Variants in BET1L observed in about 807,000 individuals in gnomAD.
BET1L encodes the protein BET1-like protein.
In BET1L, 13 loss-of-function variants were observed where a neutral mutation model predicts 12.6. That is an observed-to-expected ratio of 1.03 (90% CI 0.67 to 1.64). The LOEUF (loss-of-function observed/expected upper bound fraction) is 1.64. Ranked by LOEUF, BET1L falls within the 40% of genes most tolerant of loss-of-function variation. The probability of loss-of-function intolerance (pLI) is 0.00; values close to 1 mark genes in which losing one functional copy is unlikely to be tolerated. For missense variants in BET1L, 154 were observed against 150.7 expected (o/e 1.02, Z -0.11); for synonymous variants, 60 against 56.9 (o/e 1.05, Z -0.25).
At chr11:206,965 G>A (rs1855178956) in intron 1 of BET1L, 1 of 399,030 alleles carries the variant, frequency 2.5e-6, no homozygotes, top group African/African-American at 2.1e-5. Flanking sequence ...TCTACTCCTA[G>A]GGCCTGGCCT....
Position 207,306 on chromosome 11 carries a change from G to C in BET1L, c.16C>G (p.Arg6Gly). The change falls in exon 1 of 4, where the codon CGG becomes GGG. Residue 6 changes from arginine (R) to glycine (G), a missense_variant. Coordinates refer to ENST00000382762, the MANE Select transcript of BET1L (RefSeq NM_001098787.2). ...GGCTCCGCTCTCCCGCGCTCACCCC[G>C]AGCCCAGTCCGCCATCGTGCCCTGC... MADWA[R>G]AQSPGAVEEI... 1.9e-6 allele frequency: 3 copies of C among 1,548,714 alleles called. No individual in the cohort carries two copies. Among genetic ancestry groups the C allele is most frequent in the Non-Finnish European group, 2.6e-6 (3 of 1,155,530 alleles).
intron 1 of BET1L, among the ~76,000 whole-genome samples, chr11:206,693 G>A (rs1855169240): frequency 6.6e-6 from 1 of 152,208 alleles, no homozygotes. Context: ...GGCCTGGCCT[G>A]TGACAGGCTG....
At chr11:206,158 C>G in intron 1 of BET1L, 115 bp from the exon 2 acceptor site, 1 of 835,828 alleles carries the variant, frequency 1.2e-6, no homozygotes, top group Non-Finnish European at 2.0e-6. Context: ...AACCAAGGTT[C>G]CAGCAGGTGA....
At chr11:206,532 G>A (rs887722839) in intron 1 of BET1L, among the ~76,000 whole-genome samples, 1 of 152,274 alleles carries the variant, frequency 6.6e-6, no homozygotes, top group Non-Finnish European at 1.5e-5. Flanking sequence ...AACCAGGACA[G>A]AACATTGGGA....
At chr11:206,704 G>C (rs1855169781) in intron 1 of BET1L, among the ~76,000 whole-genome samples, 1 of 152,144 alleles carries the variant, frequency 6.6e-6, no homozygotes, top group Non-Finnish European at 1.5e-5. Context: ...TGACAGGCTG[G>C]GCCAGGGGAT....
rs948585914 is a variant in BET1L at position 204,037 on chromosome 11, G to A, written c.*1265C>T. On this transcript the variant is annotated 3_prime_UTR_variant, in exon 4 of 4. Transcript: ENST00000382762. ...TGATCTGTGGTCAGCCTGGAGCTCA[G>A]AGGCAGTTCTGGATTGACAGGACAT... is the stretch of plus-strand genomic sequence containing the variant. The A allele has an allele frequency of 6.5e-6, 1 of 152,806 alleles. No individual in the cohort carries two copies. The highest frequency in any genetic ancestry group is 1.5e-5 in the Non-Finnish European group (1 of 68,198). The allele number at this position is 152,806 out of a possible 1,614,324, so 9.5% of individuals were successfully genotyped here.
rs1381933089 is a variant in BET1L at position 205,181 on chromosome 11, T to A, written c.*121A>T. 1 of 1,323,502 alleles carries A rather than the reference T, an allele frequency of 7.6e-7. No homozygotes were observed. Among genetic ancestry groups the A allele is most frequent in the Admixed American group, 2.7e-5 (1 of 36,682 alleles). 82.0% of individuals were successfully genotyped at this position (1,323,502 alleles called of 1,614,324 possible). ...GCCTCCTGCCACACAGGAAGAAGAT[T>A]CCTGACCCACAATTATCATTGCAAA... is the stretch of plus-strand genomic sequence containing the variant. On this transcript the variant is annotated 3_prime_UTR_variant, in exon 4 of 4. Transcript: ENST00000382762.
rs143008952 is a variant in BET1L, at chr11:205,650, A to G, written c.129T>C (p.Asp43=). Residue 43 remains aspartate, a synonymous_variant, in exon 3 of 4, where the codon GAT becomes GAC. Coordinates refer to ENST00000382762, the MANE Select transcript of BET1L (RefSeq NM_001098787.2). ...TRLKSLALDI[D]RDAEDQNRYL... ...ACCGGTTCTGATCCTCTGCATCCCT[A>G]TCGATGTCCAGGGCGAGCTGTTCAG... 455 of 1,611,274 alleles carry G rather than the reference A, an allele frequency of 2.8e-4. No homozygotes were observed. The Middle Eastern group carries it at 7.9e-3, about 28-fold the overall frequency.
At position 205,191 on chromosome 11, in the gene BET1L, C is replaced by A. The variant is rs978645688; in HGVS notation, c.*111G>T. 2 of 1,361,276 alleles carry A rather than the reference C, an allele frequency of 1.5e-6. No individual in the cohort carries two copies. The highest frequency in any genetic ancestry group is 2.0e-6 in the Non-Finnish European group (2 of 1,017,318). The allele number at this position is 1,361,276 out of a possible 1,614,324, so 84.3% of individuals were successfully genotyped here. The stretch of plus-strand genomic sequence containing the variant: ...ACACAGGAAGAAGATTCCTGACCCA[C>A]AATTATCATTGCAAAGGAGTATTTT... On this transcript the variant is annotated 3_prime_UTR_variant, in exon 4 of 4. Coordinates refer to ENST00000382762, the MANE Select transcript of BET1L (RefSeq NM_001098787.2).
intron 1 of BET1L, 58 bp downstream of exon 1, chr11:207,245 C>T (rs1484614341): frequency 6.6e-7 from 1 of 1,510,386 alleles, no homozygotes; most frequent in Non-Finnish European, 8.8e-7. Flanking sequence ...GCTCTACAGG[C>T]AGCGGCGTCG....
intron 1 of BET1L, among the ~76,000 whole-genome samples, chr11:206,678 G>A (rs1222589679): frequency 1.3e-5 from 2 of 152,196 alleles, no homozygotes; most frequent in African/African-American, 2.4e-5. Context: ...CAGAGTGCTC[G>A]CAGAGGCCTG....
In BET1L at chr11:207,179, T is replaced by G. The variant is rs889953532; in HGVS notation, c.19+124A>C. ...CCGGAAGGATCCGAATCCGCCCCCC[T>G]GACAGGGTCCTCTCGGCCGAGGTCA... is the stretch of plus-strand genomic sequence containing the variant. On this transcript the variant is annotated intron_variant, in intron 1 of 3. Coordinates refer to ENST00000382762, the MANE Select transcript of BET1L (RefSeq NM_001098787.2). The G allele has an allele frequency of 6.9e-6, 9 of 1,305,020 alleles. No individual in the cohort carries two copies. In the African/African-American group the frequency reaches 1.4e-4, roughly 20 times the overall value. 80.8% of individuals were successfully genotyped at this position (1,305,020 alleles called of 1,614,324 possible).
At chr11:207,270 C>T in intron 1 of BET1L, 33 bp downstream of exon 1, 1 of 1,525,536 alleles carries the variant, frequency 6.6e-7, no homozygotes, top group South Asian at 1.2e-5. Context: ...CGGCCCGGCC[C>T]TGCCCCCAAC....
At chr11:207,233 C>A in intron 1 of BET1L, 70 bp downstream of exon 1, 19 of 1,501,766 alleles carry the variant, frequency 1.3e-5, no homozygotes, top group Non-Finnish European at 1.7e-5. Context: ...CAGGCGCACG[C>A]GGCTCTACAG....
At position 205,140 on chromosome 11, in the gene BET1L, G is replaced by A. The variant is rs140766637; in HGVS notation, c.*162C>T. On this transcript the variant is annotated 3_prime_UTR_variant, in exon 4 of 4. Transcript: ENST00000382762. ...GGACCAGCCAACATGAGCTCATCAG[G>A]TCACAGGCAGCCGCAGCCTCCTGCC... The A allele has an allele frequency of 3.9e-3, 3,854 of 996,536 alleles. 11 individuals are homozygous for A. The highest frequency in any genetic ancestry group is 4.7e-3 in the Non-Finnish European group (3,295 of 699,070). 61.7% of individuals were successfully genotyped at this position (996,536 alleles called of 1,614,324 possible). A position where few individuals can be genotyped will look rare whatever the true frequency, so the allele number is the denominator to read the frequency against.
intron 1 of BET1L, chr11:207,036 G>C: frequency 2.0e-6 from 1 of 493,824 alleles, no homozygotes; most frequent in Non-Finnish European, 3.6e-6. Flanking sequence ...ATCTCACAGG[G>C]GGCGGCGGGG....
chr11:205,926 AG>A (rs1397192350), intron 2 of BET1L, 25 bp downstream of exon 2: 1 of 1,605,338 alleles, frequency 6.2e-7, no homozygotes, highest in Non-Finnish European at 8.5e-7. Context: ...CACCAGGTGG[AG>A]GTAAGAGGAC....
chr11:206,009 G>C lies in BET1L; in HGVS notation c.54C>G (p.Asp18Glu), dbSNP rs1446510583. 2 of 1,613,922 alleles carry C rather than the reference G, an allele frequency of 1.2e-6. No individual in the cohort carries two copies. Among genetic ancestry groups the C allele is most frequent in the African/African-American group, 2.7e-5 (2 of 74,922 alleles). ...TGTCAGCCATTCGCTTGTTCTCCCG[G>C]TCTAGAATCTCTTCCACAGCGCCCG... ...QSPGAVEEIL[D>E]RENKRMADSL... Residue 18 changes from aspartate (D) to glutamate (E), a missense_variant, in exon 2 of 4, where the codon GAC becomes GAG. Transcript: ENST00000382762.
At chr11:206,506 T>C (rs576986188) in intron 1 of BET1L, among the ~76,000 whole-genome samples, 1 of 152,354 alleles carries the variant, frequency 6.6e-6, no homozygotes, top group East Asian at 1.9e-4. Flanking sequence ...AGCTAGGTCC[T>C]GAAGAGGTGG....
Sources: allele counts gnomAD v4.1 joint callset (sites outside exome capture counted in the v4.1 genomes callset), GRCh38; gene constraint gnomAD v4.1.1; transcripts MANE v1.5; gene names NCBI Gene and HGNC (gene_info 2026-07-23, HGNC 2026-07-21).